The following EIF3B variants were observed in gnomAD, a reference collection of about 807,000 sequenced individuals.
EIF3B encodes eukaryotic translation initiation factor 3 subunit 9.
A neutral mutation model predicts 104.6 loss-of-function variants in EIF3B; 10 were observed. The ratio of observed to expected loss-of-function variants is 0.10; its 90% CI spans 0.06 to 0.16. The LOEUF is 0.16. Ranked by LOEUF, EIF3B falls within the 10% of genes least tolerant of loss-of-function variation. EIF3B has a pLI of 1.00. For missense variants in EIF3B, 1,014 were observed against 1,087.9 expected (o/e 0.93, Z 0.96); for synonymous variants, 542 against 417.2 (o/e 1.30, Z -3.65).
At chr7:2,365,514 C>T (rs1353512651) in intron 6 of EIF3B, among the ~76,000 whole-genome samples, 1 of 152,174 alleles carries the variant, frequency 6.6e-6, no homozygotes, top group Admixed American at 6.5e-5. Flanking sequence ...CTGTTACACA[C>T]TTTGTGTGAA....
intron 14 of EIF3B, chr7:2,376,514 A>C (rs1780639933): frequency 6.5e-6 from 1 of 154,598 alleles, no homozygotes; most frequent in South Asian, 2.0e-4. Flanking sequence ...GTAGTGATGC[A>C]GTTAGCTTAC....
chr7:2,364,404 T>C lies in EIF3B; in HGVS notation c.1032T>C (p.Pro344=), dbSNP rs145719280. ...CAGAGACGTATGTGCGTTGGTCTCC[T>C]AAGGGCACCTACCTGGCTACCTTTC... is the stretch of plus-strand genomic sequence containing the variant. ...RWTETYVRWS[P]KGTYLATFHQ... is the part of the protein sequence containing the mutation. The change falls in exon 6 of 19, where the codon CCT becomes CCC. Residue 344 remains proline, a synonymous_variant. Coordinates refer to ENST00000360876, the MANE Select transcript of EIF3B (RefSeq NM_001037283.2). 4.3e-5 allele frequency: 69 copies of C among 1,612,352 alleles called. 1 individual carries two copies. The highest frequency in any genetic ancestry group is 1.5e-4 in the South Asian group (14 of 90,418).
intron 17 of EIF3B, 26 bp downstream of exon 17, chr7:2,379,268 AG>A: frequency 6.2e-7 from 1 of 1,600,304 alleles, no homozygotes; most frequent in Non-Finnish European, 8.5e-7. Flanking sequence ...CTCAGTCCCC[AG>A]GAGCTGGCCC....
chr7:2,361,226 C>T (rs932132129), intron 2 of EIF3B, among the ~76,000 whole-genome samples: 2 of 152,218 alleles, frequency 1.3e-5, no homozygotes, highest in Middle Eastern at 3.4e-3. Context: ...AGCTGTACTC[C>T]AGTCTGGGTG....
intron 12 of EIF3B, chr7:2,374,129 T>C (rs1204408468): frequency 6.2e-6 from 1 of 162,080 alleles, no homozygotes; most frequent in East Asian, 1.7e-4. Flanking sequence ...ATGACTGTAG[T>C]CAGTTTCAAC....
At position 2,361,610 on chromosome 7, in the gene EIF3B, G is replaced by A. The variant is rs1485247754; in HGVS notation, c.692+708G>A. ...AATTTTTTGTATTTTTAGTAGAGACGGGGTTTCACCATGTTAGCCAGAATG... is the reference window on the plus strand; with the variant it reads ...AATTTTTTGTATTTTTAGTAGAGACAGGGTTTCACCATGTTAGCCAGAATG... On this transcript the variant is annotated intron_variant, in intron 2 of 18. Coordinates refer to ENST00000360876, the MANE Select transcript of EIF3B (RefSeq NM_001037283.2). 2.0e-5 allele frequency among the ~76,000 whole-genome samples: 3 copies of A among 151,652 alleles called. No homozygotes were observed. In the East Asian group the frequency reaches 5.9e-4, roughly 30 times the overall value.
Position 2,362,632 on chromosome 7 carries a change from C to T in EIF3B, c.693-13C>T. ...ACAGTGTGGGTATGTGCCAACGGCC[C>T]TCTCTCACTCAGGTATATTTTCCTG... On this transcript the variant is annotated splice_polypyrimidine_tract_variant and intron_variant, in intron 2 of 18. Coordinates refer to ENST00000360876, the MANE Select transcript of EIF3B (RefSeq NM_001037283.2). 1 of 1,614,114 alleles carries T rather than the reference C, an allele frequency of 6.2e-7. No homozygotes were observed. The highest frequency in any genetic ancestry group is 1.7e-5 in the Admixed American group (1 of 60,020).
intron 1 of EIF3B, among the ~76,000 whole-genome samples, chr7:2,358,777 C>T (rs1187706491): frequency 1.3e-5 from 2 of 152,158 alleles, no homozygotes; most frequent in African/African-American, 4.8e-5. Flanking sequence ...AATCTGCCTG[C>T]CTCGGCCTCC....
At chr7:2,356,616 AAAG>A (rs1779460164) in intron 1 of EIF3B, among the ~76,000 whole-genome samples, 1 of 146,422 alleles carries the variant, frequency 6.8e-6, no homozygotes, top group African/African-American at 2.7e-5. Flanking sequence ...AAAAAAAAAA[AAAG>A]AAAAAGAAAA....
At position 2,355,203 on chromosome 7, in the gene EIF3B, G is replaced by A. The variant is rs1041013307; in HGVS notation, c.282G>A (p.Gly94=). The stretch of plus-strand genomic sequence containing the variant: ...CGCCGGCCGCCGAGGAGCTGCCCGG[G>A]TCGCATGCTGAGCCCCCTGTCCCGG... ...PSPPAAEELP[G]SHAEPPVPAQ... Residue 94 remains glycine (G), a synonymous_variant, in exon 1 of 19, where the codon GGG becomes GGA. Transcript: ENST00000360876. 7.4e-6 allele frequency: 11 copies of A among 1,489,066 alleles called. No homozygotes were observed. The highest frequency in any genetic ancestry group is 1.5e-5 in the African/African-American group (1 of 68,360). 92.2% of individuals were successfully genotyped at this position (1,489,066 alleles called of 1,614,324 possible).
intron 10 of EIF3B, among the ~76,000 whole-genome samples, chr7:2,370,937 C>A (rs1221180219): frequency 1.3e-5 from 2 of 152,108 alleles, no homozygotes; most frequent in East Asian, 3.9e-4. Flanking sequence ...GTGGCGGGTG[C>A]CTGTAGTCCC....
At chr7:2,375,281 A>G (rs1439019463) in intron 13 of EIF3B, 108 bp from the exon 14 acceptor site, 2 of 1,439,510 alleles carry the variant, frequency 1.4e-6, no homozygotes, top group Non-Finnish European at 9.7e-7. Context: ...TTCCATGTTA[A>G]CGCCGAGGCT....
chr7:2,365,671 G>GTTTTT (rs1436210560), intron 6 of EIF3B, among the ~76,000 whole-genome samples: 1 of 108,948 alleles, frequency 9.2e-6, no homozygotes, highest in African/African-American at 4.5e-5. Flanking sequence ...TTGTTTGTTT[G>GTTTTT]TTTGTTTTGT....
chr7:2,358,333 C>T (rs1033114582), intron 1 of EIF3B, among the ~76,000 whole-genome samples: 8 of 152,172 alleles, frequency 5.3e-5, no homozygotes, highest in Middle Eastern at 3.4e-3. Context: ...ATTTGCCTTC[C>T]TTGGCTTCCA....
intron 10 of EIF3B, among the ~76,000 whole-genome samples, chr7:2,371,390 C>G (rs76548587): frequency 6.6e-6 from 1 of 152,236 alleles, no homozygotes; most frequent in Non-Finnish European, 1.5e-5. Context: ...AAGGTTATGG[C>G]TACAGGACAC....
Position 2,359,223 on chromosome 7 carries a change from GT to G in EIF3B, c.500-1486del, listed in dbSNP as rs576805805. On this transcript the variant is annotated intron_variant, in intron 1 of 18. Coordinates refer to ENST00000360876, the MANE Select transcript of EIF3B (RefSeq NM_001037283.2). ...CTTGGCACTCAGCGTCTAAACCCTT[GT>G]AATTTCCAAAGTGGTAAGTGTCTTT... is the stretch of plus-strand genomic sequence containing the variant. Among the ~76,000 whole-genome samples, 226 of 152,304 alleles carry G rather than the reference GT, an allele frequency of 1.5e-3. 2 individuals carry two copies. Among genetic ancestry groups the G allele is most frequent in the African/African-American group, 5.3e-3 (219 of 41,562 alleles).
Position 2,380,575 on chromosome 7 carries a change from G to T in EIF3B, c.*386G>T, listed in dbSNP as rs76427867. ...GATGTTTCCACGGTGCCTGTACACA[G>T]CCGAGCAGCATTTCCGTTGAAGGAC... On this transcript the variant is annotated 3_prime_UTR_variant, in exon 19 of 19. Coordinates refer to ENST00000360876, the MANE Select transcript of EIF3B (RefSeq NM_001037283.2). 8.9e-3 allele frequency: 3,171 copies of T among 355,916 alleles called. 78 individuals are homozygous for T. Among genetic ancestry groups the T allele is most frequent in the African/African-American group, 0.054 (2,533 of 46,638 alleles). 22.0% of individuals were successfully genotyped at this position (355,916 alleles called of 1,614,324 possible).
intron 2 of EIF3B, among the ~76,000 whole-genome samples, chr7:2,361,736 A>G (rs1779740113): frequency 6.6e-6 from 1 of 151,618 alleles, no homozygotes; most frequent in Admixed American, 6.6e-5. Context: ...GCTTCTTTCT[A>G]ATCTTGCCTG....
intron 13 of EIF3B, 33 bp downstream of exon 13, chr7:2,374,639 G>C: frequency 6.2e-7 from 1 of 1,601,314 alleles, no homozygotes; most frequent in Non-Finnish European, 8.6e-7. Context: ...TGTCCGCCCT[G>C]TGAGTAGCGC....
Sources: gnomAD v4.1 joint callset for allele counts (sites outside exome capture counted in the v4.1 genomes callset) on GRCh38, gnomAD v4.1.1 for gene constraint, MANE v1.5 for transcripts, NCBI Gene and HGNC (gene_info 2026-07-23, HGNC 2026-07-21) for gene names.